ENO4: variants seen among roughly 807,000 people sequenced by gnomAD.
ENO4 encodes enolase 4.
ENO4 carries 53 observed loss-of-function variants against 63.2 expected under a neutral mutation model. That is an observed-to-expected ratio of 0.84 (90% CI 0.67 to 1.05). ENO4 has a LOEUF of 1.05. ENO4 is among the 50% of genes least tolerant of loss of function. The probability of loss-of-function intolerance (pLI) is 0.00; values close to 1 mark genes in which losing one functional copy is unlikely to be tolerated. For missense variants in ENO4, 719 were observed against 772.0 expected, an observed-to-expected ratio of 0.93 and a Z score of 0.81; for synonymous variants, 266 against 283.8, an observed-to-expected ratio of 0.94 and a Z score of 0.63.
intron 10 of ENO4, chr10:116,900,902 G>C: frequency 1.0e-5 from 10 of 985,160 alleles, no homozygotes; most frequent in Non-Finnish European, 1.2e-5. Context: ...AAGAGAGGAA[G>C]AAAATACCAG....
At chr10:116,869,243 G>T (rs897023335) in intron 8 of ENO4, among the ~76,000 whole-genome samples, 1 of 152,206 alleles carries the variant, frequency 6.6e-6, no homozygotes, top group African/African-American at 2.4e-5. Context: ...TGGGAGACCA[G>T]CTGAACTTGA....
Position 116,876,086 on chromosome 10 carries a change from A to G in ENO4, c.1363A>G (p.Ile455Val). 6.5e-7 allele frequency: 1 copy of G among 1,548,556 alleles called. No homozygotes were observed. Among genetic ancestry groups the G allele is most frequent in the Non-Finnish European group, 8.7e-7 (1 of 1,146,172 alleles). Residue 455 changes from isoleucine (I) to valine (V), a missense_variant, in exon 11 of 14, where the codon ATC (isoleucine) becomes GTC (valine). Transcript: ENST00000341276. The part of the protein sequence containing the change: ...RKEDSEQWDS[I>V]YHALGSRCYI... ...CCAGGACTCTGAACAGTGGGACAGC[A>G]TCTATCACGCACTTGGTTCCAGGTG...
At chr10:116,905,577 A>G (rs1847937038) in intron 10 of ENO4, among the ~76,000 whole-genome samples, 1 of 152,160 alleles carries the variant, frequency 6.6e-6, no homozygotes, top group Non-Finnish European at 1.5e-5. Context: ...GAATCAATTT[A>G]CTCAATTGTC....
At chr10:116,868,369 T>C (rs1457839337) in intron 7 of ENO4, among the ~76,000 whole-genome samples, 1 of 152,182 alleles carries the variant, frequency 6.6e-6, no homozygotes, top group African/African-American at 2.4e-5. Context: ...TGCATAGAAA[T>C]GCATGAATCT....
intron 4 of ENO4, among the ~76,000 whole-genome samples, chr10:116,860,572 GAATT>G (rs1279114905): frequency 2.0e-5 from 3 of 152,114 alleles, no homozygotes; most frequent in Non-Finnish European, 4.4e-5. Flanking sequence ...ATTGATGAAG[GAATT>G]AATATTAAAT....
intron 10 of ENO4, among the ~76,000 whole-genome samples, chr10:116,890,187 A>G (rs909666198): frequency 1.1e-4 from 10 of 90,398 alleles, no homozygotes; most frequent in Non-Finnish European, 2.7e-4. Context: ...ACTTTAATGC[A>G]ACCTCTAAGG....
intron 11 of ENO4, among the ~76,000 whole-genome samples, chr10:116,877,741 C>A (rs938219101): frequency 2.0e-5 from 3 of 152,108 alleles, no homozygotes; most frequent in Middle Eastern, 3.2e-3. Flanking sequence ...TCTGGGATGC[C>A]AGAGGAGAGC....
chr10:116,852,635 A>G (rs1349755090), intron 1 of ENO4, among the ~76,000 whole-genome samples: 3 of 152,202 alleles, frequency 2.0e-5, no homozygotes, highest in Non-Finnish European at 4.4e-5. Flanking sequence ...GTGCTGGCAT[A>G]TGGAAGCTTG....
At chr10:116,852,896 G>A (rs951694893) in intron 1 of ENO4, among the ~76,000 whole-genome samples, 3 of 152,162 alleles carry the variant, frequency 2.0e-5, no homozygotes, top group African/African-American at 7.2e-5. Context: ...AGGGACTCCA[G>A]AGAAGCCCAG....
intron 10 of ENO4, among the ~76,000 whole-genome samples, chr10:116,906,984 T>C (rs1847993329): frequency 1.3e-5 from 2 of 152,206 alleles, no homozygotes; most frequent in African/African-American, 2.4e-5. Context: ...AGAAGAACAG[T>C]ACAAGAACAC....
intron 1 of ENO4, among the ~76,000 whole-genome samples, chr10:116,854,402 A>G (rs1036909694): frequency 1.3e-5 from 2 of 151,860 alleles, no homozygotes; most frequent in Non-Finnish European, 2.9e-5. Context: ...TACTAAAAAT[A>G]CAAAAGAATT....
downstream of ENO4, chr10:116,886,677 C>A: frequency 1.4e-6 from 2 of 1,423,802 alleles, no homozygotes; most frequent in South Asian, 1.3e-5. Context: ...TAAGTCTAAT[C>A]AACATGCATA....
rs1419413265 is a variant in ENO4 at position 116,911,602 on chromosome 10, G to A, written c.*30G>A. 2.6e-6 allele frequency: 4 copies of A among 1,551,358 alleles called. No homozygotes were observed. The South Asian group carries it at 3.6e-5, about 14-fold the overall frequency. On this transcript the variant is annotated 3_prime_UTR_variant, in exon 11 of 11. Coordinates refer to the ENO4 transcript ENST00000369207. ...TCTTTTAGAACAAAAACAGCACAGT[G>A]TTATTTGAAAAATTATTAACATATG...
chr10:116,869,109 A>T (rs968861856), intron 8 of ENO4, among the ~76,000 whole-genome samples: 15 of 152,360 alleles, frequency 9.8e-5, no homozygotes, highest in African/African-American at 3.6e-4. Context: ...TATTCCTTCC[A>T]TCTGGTCCCC....
chr10:116,863,583 T>C (rs541468993), intron 7 of ENO4, among the ~76,000 whole-genome samples: 2 of 152,346 alleles, frequency 1.3e-5, no homozygotes, highest in South Asian at 4.1e-4. Flanking sequence ...GGATCCCACA[T>C]TGCATTTAGC....
At chr10:116,904,465 T>C (rs567343565) in intron 10 of ENO4, among the ~76,000 whole-genome samples, 3 of 152,150 alleles carry the variant, frequency 2.0e-5, no homozygotes, top group Non-Finnish European at 1.5e-5. Context: ...GCTTTGGCTA[T>C]TAGGAAACTC....
At chr10:116,899,872 GA>G (rs1262697494) in intron 10 of ENO4, among the ~76,000 whole-genome samples, 2 of 152,176 alleles carry the variant, frequency 1.3e-5, no homozygotes, top group Non-Finnish European at 2.9e-5. Flanking sequence ...ACACAGCACT[GA>G]AAATAACCCT....
At chr10:116,901,554 T>C in intron 10 of ENO4, 1 of 985,348 alleles carries the variant, frequency 1.0e-6, no homozygotes, top group Non-Finnish European at 1.2e-6. Context: ...GGGAAGTAAT[T>C]CTCTTTGTAC....
chr10:116,878,901 G>A (rs564408176), intron 11 of ENO4, among the ~76,000 whole-genome samples: 3 of 151,896 alleles, frequency 2.0e-5, no homozygotes, highest in South Asian at 2.1e-4. Context: ...CTACCACCAC[G>A]CCCGGCTAAT....
Sources: allele counts gnomAD v4.1 joint callset (sites outside exome capture counted in the v4.1 genomes callset), GRCh38; gene constraint gnomAD v4.1.1; transcripts MANE v1.5; gene names NCBI Gene and HGNC (gene_info 2026-07-23, HGNC 2026-07-21).